PPARG: variants seen among roughly 807,000 people sequenced by gnomAD.
PPARG encodes peroxisome proliferator-activated receptor gamma.
A neutral mutation model predicts 39.2 loss-of-function variants in PPARG; 17 were observed. That is an observed-to-expected ratio of 0.43 (90% confidence interval 0.30 to 0.65). The LOEUF is 0.65. Ranked by LOEUF, PPARG falls within the 30% of genes least tolerant of loss-of-function variation. PPARG has a pLI of 0.13. For missense variants in PPARG, 406 were observed against 585.9 expected, an observed-to-expected ratio of 0.69 and a Z score of 3.17; for synonymous variants, 223 against 215.7, an observed-to-expected ratio of 1.03 and a Z score of -0.30.
chr3:12,330,887 A>ATTCTTGGAGATCCACAG (rs2047840145), intron 2 of PPARG, among the ~76,000 whole-genome samples: 1 of 152,020 alleles, frequency 6.6e-6, no homozygotes, highest in East Asian at 1.9e-4. Context: ...GAGATCCACA[A>ATTCTTGGAGATCCACAG]ATATATTCTT....
At chr3:12,301,003 A>T (rs893562747) in intron 1 of PPARG, among the ~76,000 whole-genome samples, 1 of 152,234 alleles carries the variant, frequency 6.6e-6, no homozygotes, top group Non-Finnish European at 1.5e-5. Flanking sequence ...AATTTCCTAA[A>T]CTACTCTTTA....
At chr3:12,412,167 G>A (rs1460373802) in intron 6 of PPARG, among the ~76,000 whole-genome samples, 1 of 152,166 alleles carries the variant, frequency 6.6e-6, no homozygotes, top group Non-Finnish European at 1.5e-5. Context: ...TTATTCAAAA[G>A]GAGTGTAAAC....
At chr3:12,412,983 A>T (rs1235103438) in intron 6 of PPARG, among the ~76,000 whole-genome samples, 1 of 152,162 alleles carries the variant, frequency 6.6e-6, no homozygotes, top group Non-Finnish European at 1.5e-5. Flanking sequence ...GGCTCCTATA[A>T]TGGCAATCTT....
At chr3:12,342,144 A>G (rs2048201514) in intron 2 of PPARG, among the ~76,000 whole-genome samples, 1 of 152,196 alleles carries the variant, frequency 6.6e-6, no homozygotes, top group Non-Finnish European at 1.5e-5. Flanking sequence ...GGTATATTCA[A>G]GCCTAAAATG....
At chr3:12,357,613 A>G (rs967632063) in intron 2 of PPARG, among the ~76,000 whole-genome samples, 17 of 152,186 alleles carry the variant, frequency 1.1e-4, no homozygotes, top group Non-Finnish European at 2.4e-4. Flanking sequence ...GGTGGATTCT[A>G]TGTATTGCTT....
intron 2 of PPARG, among the ~76,000 whole-genome samples, chr3:12,326,805 C>A (rs2047708581): frequency 6.6e-6 from 1 of 151,802 alleles, no homozygotes; most frequent in South Asian, 2.1e-4. Flanking sequence ...CAAGACCAAC[C>A]AAGTATTCAG....
At chr3:12,295,311 T>C (rs2046751146) in intron 1 of PPARG, among the ~76,000 whole-genome samples, 1 of 152,146 alleles carries the variant, frequency 6.6e-6, no homozygotes, top group Non-Finnish European at 1.5e-5. Context: ...ATGATGTCAA[T>C]ATAAATGAAG....
At chr3:12,363,695 C>G (rs1413364284) in intron 2 of PPARG, among the ~76,000 whole-genome samples, 1 of 152,048 alleles carries the variant, frequency 6.6e-6, no homozygotes, top group African/African-American at 2.4e-5. Context: ...TGCGGTGGCT[C>G]CCTCCTTTCT....
At chr3:12,365,465 C>T (rs1014598296) in intron 2 of PPARG, among the ~76,000 whole-genome samples, 43 of 152,088 alleles carry the variant, frequency 2.8e-4, no homozygotes, top group Non-Finnish European at 1.5e-4. Context: ...TCAAGGTCAT[C>T]TAGGTTTTCT....
chr3:12,299,878 G>A (rs889707199), intron 1 of PPARG, among the ~76,000 whole-genome samples: 9 of 151,980 alleles, frequency 5.9e-5, no homozygotes, highest in Non-Finnish European at 8.8e-5. Flanking sequence ...TAATATTTGC[G>A]TAAAAGGAGA....
At chr3:12,354,278 C>T (rs1028865008) in intron 2 of PPARG, among the ~76,000 whole-genome samples, 4 of 152,234 alleles carry the variant, frequency 2.6e-5, no homozygotes, top group African/African-American at 7.2e-5. Flanking sequence ...AATTTAAGCA[C>T]GCCATTTTTC....
chr3:12,298,687 A>G (rs1044565559), intron 1 of PPARG, among the ~76,000 whole-genome samples: 1 of 152,230 alleles, frequency 6.6e-6, no homozygotes, highest in Non-Finnish European at 1.5e-5. Flanking sequence ...GGATGATTTC[A>G]TCCTTAATGA....
At chr3:12,327,250 C>T (rs768143671) in intron 2 of PPARG, among the ~76,000 whole-genome samples, 15 of 152,296 alleles carry the variant, frequency 9.8e-5, no homozygotes, top group Middle Eastern at 3.4e-3. Context: ...CCGCAGGCAG[C>T]GTCACCACTC....
chr3:12,327,898 G>T (rs774844504), intron 2 of PPARG: 4 of 560,218 alleles, frequency 7.1e-6, no homozygotes, highest in Non-Finnish European at 1.3e-5. Context: ...TGCTTCTTTA[G>T]TATCTACATA....
intron 7 of PPARG, among the ~76,000 whole-genome samples, chr3:12,424,883 T>G (rs1341978725): frequency 6.6e-6 from 1 of 152,142 alleles, no homozygotes; most frequent in Non-Finnish European, 1.5e-5. Flanking sequence ...GCAAACCAAA[T>G]AACATGATGT....
chr3:12,333,880 G>A (rs1245472003), intron 2 of PPARG, among the ~76,000 whole-genome samples: 1 of 152,096 alleles, frequency 6.6e-6, no homozygotes, highest in Non-Finnish European at 1.5e-5. Context: ...CCACATACAG[G>A]CCCCCATCTT....
At chr3:12,363,486 A>G (rs1403295356) in intron 2 of PPARG, among the ~76,000 whole-genome samples, 1 of 82,048 alleles carries the variant, frequency 1.2e-5, no homozygotes, top group Non-Finnish European at 2.4e-5. Context: ...AAGAGCATAG[A>G]GTGTCACATG....
In PPARG at chr3:12,399,123, G is replaced by A. The variant is rs577818689; in HGVS notation, c.529+6371G>A. Among the ~76,000 whole-genome samples, 5 of 152,270 alleles carry A rather than the reference G, an allele frequency of 3.3e-5. No homozygotes were observed. In the East Asian group the frequency reaches 9.7e-4, roughly 29 times the overall value. ...CCCAGCCCCATCTGTGCAGCACAGT[G>A]TTGCATCAACGAAGTGTTCAGTGAA... On this transcript the variant is annotated intron_variant, in intron 5 of 7. Transcript: ENST00000651735.
At chr3:12,297,686 G>A (rs1298834858) in intron 1 of PPARG, among the ~76,000 whole-genome samples, 1 of 152,044 alleles carries the variant, frequency 6.6e-6, no homozygotes. Context: ...CCATACGTAA[G>A]GTTTAATTTT....
Sources: allele counts gnomAD v4.1 joint callset (sites outside exome capture counted in the v4.1 genomes callset), GRCh38; gene constraint gnomAD v4.1.1; transcripts MANE v1.5; gene names NCBI Gene and HGNC (gene_info 2026-07-23, HGNC 2026-07-21).